The following GAS7 variants were observed in gnomAD, a reference collection of about 807,000 sequenced individuals.
GAS7 encodes growth arrest-specific protein 7.
In GAS7, 28 loss-of-function variants were observed where a neutral mutation model predicts 71.1. That is an observed-to-expected ratio of 0.39 (90% CI 0.29 to 0.54). GAS7 has a LOEUF of 0.54. GAS7 is among the 20% of genes least tolerant of loss of function. GAS7 has a pLI of 0.62. For synonymous variants in GAS7, 258 were observed against 245.8 expected (o/e 1.05, Z -0.46); for missense variants, 436 against 627.8 (o/e 0.69, Z 3.27).
At chr17:9,947,308 C>A (rs1217676989) in intron 5 of GAS7, among the ~76,000 whole-genome samples, 1 of 152,160 alleles carries the variant, frequency 6.6e-6, no homozygotes, top group African/African-American at 2.4e-5. Context: ...CATCCACACA[C>A]GCTTTTTCAC....
chr17:10,026,199 T>TCG lies in GAS7; in HGVS notation c.184-6304_184-6303dup, dbSNP rs2072457961. 1.0e-6 allele frequency: 1 copy of TCG among 985,236 alleles called. No individual in the cohort carries two copies. Among genetic ancestry groups the TCG allele is most frequent in the South Asian group, 4.7e-5 (1 of 21,278 alleles). The allele number at this position is 985,236 out of a possible 1,614,324, so 61.0% of individuals were successfully genotyped here. ...GCTACTCGCTGGTGTTAATGGGTGGTCGTCAGACACTCGCTTTAGCAGCCA... is the reference window on the plus strand; with the variant it reads ...GCTACTCGCTGGTGTTAATGGGTGGTCGCGTCAGACACTCGCTTTAGCAGCCA... On this transcript the variant is annotated intron_variant, in intron 1 of 13. Coordinates refer to ENST00000432992, the MANE Select transcript of GAS7 (RefSeq NM_201433.2). The surrounding 1 kb of genome is among the most constrained non-coding windows in gnomAD (Gnocchi z 4.5).
chr17:9,979,720 C>T (rs1489065840), intron 3 of GAS7, among the ~76,000 whole-genome samples: 2 of 152,172 alleles, frequency 1.3e-5, no homozygotes, highest in South Asian at 4.1e-4. Context: ...CTCCCTCTGC[C>T]GGCCTCCCTG....
rs1472750378 is a variant in GAS7, at chr17:10,034,867, T to A, written c.184-14970A>T. 2.0e-5 allele frequency among the ~76,000 whole-genome samples: 3 copies of A among 152,040 alleles called. No individual in the cohort carries two copies. The highest frequency in any genetic ancestry group is 4.4e-5 in the Non-Finnish European group (3 of 67,990). On this transcript the variant is annotated intron_variant, in intron 1 of 13. Transcript: ENST00000432992. This position sits in a 1 kb window ranked among gnomAD's most constrained non-coding sequence, Gnocchi z 4.4. ...CTGTCACTCCTCCGAGCCACGTGAGTGGTCTTAGCTCTATTTGCCTAGCAA... is the reference window on the plus strand; with the variant it reads ...CTGTCACTCCTCCGAGCCACGTGAGAGGTCTTAGCTCTATTTGCCTAGCAA...
intron 1 of GAS7, among the ~76,000 whole-genome samples, chr17:10,159,063 AACAT>A (rs2074229013): frequency 7.6e-5 from 1 of 13,208 alleles, no homozygotes; most frequent in Non-Finnish European, 1.2e-4. Flanking sequence ...CTGTCTCTAA[AACAT>A]ATATATATAT....
At chr17:10,141,513 G>A (rs2074081109) in intron 1 of GAS7, among the ~76,000 whole-genome samples, 1 of 152,150 alleles carries the variant, frequency 6.6e-6, no homozygotes, top group Middle Eastern at 3.4e-3. Context: ...GATTCCCAGG[G>A]TAGATCCAAG....
intron 1 of GAS7, among the ~76,000 whole-genome samples, chr17:10,088,568 A>C (rs574256175): frequency 4.9e-4 from 75 of 152,288 alleles, no homozygotes; most frequent in African/African-American, 1.8e-3. Flanking sequence ...ATTGCCAAGC[A>C]TCTTTTTACG....
chr17:10,016,033 C>T (rs2152198741), intron 2 of GAS7, among the ~76,000 whole-genome samples: 1 of 152,298 alleles, frequency 6.6e-6, no homozygotes, highest in Non-Finnish European at 1.5e-5. Context: ...CTCACTCTGC[C>T]TGGTACATAT....
intron 1 of GAS7, among the ~76,000 whole-genome samples, chr17:10,174,264 A>T (rs996975051): frequency 6.6e-6 from 1 of 152,220 alleles, no homozygotes; most frequent in African/African-American, 2.4e-5. Flanking sequence ...CTGATTTTTA[A>T]CACATGTTAA....
At chr17:9,976,233 G>C (rs1423704062) in intron 3 of GAS7, among the ~76,000 whole-genome samples, 2 of 152,218 alleles carry the variant, frequency 1.3e-5, no homozygotes. Flanking sequence ...TGCTTTCCAG[G>C]ACATCAGAGG....
chr17:10,185,182 C>T (rs1349019741), intron 1 of GAS7, among the ~76,000 whole-genome samples: 1 of 152,180 alleles, frequency 6.6e-6, no homozygotes, highest in Non-Finnish European at 1.5e-5. Flanking sequence ...TCCTCGGCCT[C>T]CCAAAGTGCT....
chr17:10,119,951 G>A (rs1472811672), intron 1 of GAS7, among the ~76,000 whole-genome samples: 2 of 152,100 alleles, frequency 1.3e-5, no homozygotes, highest in Admixed American at 6.5e-5. Flanking sequence ...GGCACACCAG[G>A]AGGCCAAACC....
chr17:9,981,706 C>T lies in GAS7; in HGVS notation c.385+98G>A, dbSNP rs1380691173. ...CAACCCCTCCCTGGGTTTGCTACAT[C>T]AGCCAGGTTTAAGACCCAGGACCCA... On this transcript the variant is annotated intron_variant, in intron 3 of 13. Transcript: ENST00000432992. This position sits in a 1 kb window ranked among gnomAD's most constrained non-coding sequence, Gnocchi z 4.4. The T allele has an allele frequency of 5.4e-6, 4 of 741,148 alleles. No homozygotes were observed. Among genetic ancestry groups the T allele is most frequent in the Non-Finnish European group, 9.5e-6 (4 of 419,004 alleles). 45.9% of individuals were successfully genotyped at this position (741,148 alleles called of 1,614,324 possible).
chr17:10,122,774 G>C (rs2073915009), intron 1 of GAS7, among the ~76,000 whole-genome samples: 2 of 152,056 alleles, frequency 1.3e-5, no homozygotes, highest in African/African-American at 4.8e-5. Flanking sequence ...TTTTTTTAAG[G>C]CTGGCTGGGA....
intron 5 of GAS7, among the ~76,000 whole-genome samples, chr17:9,949,280 T>A (rs912543771): frequency 1.3e-5 from 2 of 151,926 alleles, no homozygotes; most frequent in African/African-American, 4.8e-5. Context: ...TTCTGAGGAG[T>A]CCAGTGCTGA....
intron 8 of GAS7, among the ~76,000 whole-genome samples, chr17:9,934,955 C>T (rs538071492): frequency 1.1e-4 from 17 of 152,174 alleles, no homozygotes; most frequent in Admixed American, 5.2e-4. Flanking sequence ...AGGCCGGTCT[C>T]GAACTCCTGA....
rs1005837262 is a variant in GAS7 at position 9,913,462 on chromosome 17, C to G, written c.*3766G>C. The G allele has an allele frequency of 1.7e-5, 4 of 232,604 alleles. No homozygotes were observed. The highest frequency in any genetic ancestry group is 3.4e-5 in the Non-Finnish European group (4 of 117,424). 14.4% of individuals were successfully genotyped at this position (232,604 alleles called of 1,614,324 possible). ...TGTATTTCCAAAAGGGACTTTGGCTCAGCCCAGATTTTTCTGCATCCATCC... is the reference window on the plus strand; with the variant it reads ...TGTATTTCCAAAAGGGACTTTGGCTGAGCCCAGATTTTTCTGCATCCATCC... On this transcript the variant is annotated 3_prime_UTR_variant, in exon 14 of 14. Coordinates refer to ENST00000432992, the MANE Select transcript of GAS7 (RefSeq NM_201433.2).
At chr17:10,167,444 C>T (rs1258516886) in intron 1 of GAS7, among the ~76,000 whole-genome samples, 7 of 152,228 alleles carry the variant, frequency 4.6e-5, no homozygotes, top group East Asian at 1.9e-4. Flanking sequence ...ATAAACCTCA[C>T]GTGGGTGTCA....
chr17:10,144,451 A>G (rs2074106659), intron 1 of GAS7, among the ~76,000 whole-genome samples: 1 of 152,214 alleles, frequency 6.6e-6, no homozygotes, highest in South Asian at 2.1e-4. Flanking sequence ...GATCAACCCA[A>G]AATGAGTGGC....
intron 5 of GAS7, among the ~76,000 whole-genome samples, chr17:9,949,462 C>A (rs544809330): frequency 3.3e-5 from 5 of 152,328 alleles, no homozygotes; most frequent in African/African-American, 1.2e-4. Context: ...ATGGACCTCC[C>A]GTTGTGACCT....
Sources: allele counts gnomAD v4.1 joint callset (sites outside exome capture counted in the v4.1 genomes callset), GRCh38; gene constraint gnomAD v4.1.1; non-coding constraint Gnocchi (gnomAD v3.1); transcripts MANE v1.5; gene names NCBI Gene and HGNC (gene_info 2026-07-23, HGNC 2026-07-21).